Variants in ARHGAP22 observed in about 807,000 individuals in gnomAD.
ARHGAP22 encodes rho GTPase-activating protein 22.
ARHGAP22 carries 48 observed loss-of-function variants against 59.1 expected under a neutral mutation model. The observed-to-expected ratio is 0.81, with a 90% CI of 0.64 to 1.03. The LOEUF (loss-of-function observed/expected upper bound fraction) is 1.03, where lower values mean the gene tolerates loss of function less well. Ranked by LOEUF, ARHGAP22 falls within the 50% of genes least tolerant of loss-of-function variation. ARHGAP22 has a pLI of 0.00. For synonymous variants in ARHGAP22, 445 were observed against 416.4 expected (o/e 1.07, Z -0.84); for missense variants, 1,015 against 958.7 (o/e 1.06, Z -0.78).
At chr10:48,481,873 T>A (rs970713529) in intron 3 of ARHGAP22, among the ~76,000 whole-genome samples, 1 of 152,228 alleles carries the variant, frequency 6.6e-6, no homozygotes, top group Non-Finnish European at 1.5e-5. Flanking sequence ...ATATTGGACA[T>A]CTTTTATGTA....
At chr10:48,452,057 C>G (rs1222268355) in intron 8 of ARHGAP22, among the ~76,000 whole-genome samples, 1 of 152,118 alleles carries the variant, frequency 6.6e-6, no homozygotes, top group Non-Finnish European at 1.5e-5. Flanking sequence ...CCCCCAGAAT[C>G]CCACATACAT....
At chr10:48,606,828 C>T (rs1589141599), upstream of ARHGAP22, among the ~76,000 whole-genome samples, 1 of 152,206 alleles carries the variant, frequency 6.6e-6, no homozygotes, top group East Asian at 1.9e-4. Context: ...TTCCCCTGGG[C>T]CCTTATCTAT....
At chr10:48,562,600 G>T (rs188807627) in intron 2 of ARHGAP22, among the ~76,000 whole-genome samples, 2 of 152,138 alleles carry the variant, frequency 1.3e-5, no homozygotes. Flanking sequence ...AGAACTAAGC[G>T]GATCAGCCTG....
rs760082362 is a variant in ARHGAP22 at position 48,446,521 on chromosome 10, A to G, written c.1967T>C (p.Leu656Pro). 2 of 1,614,166 alleles carry G rather than the reference A, an allele frequency of 1.2e-6. No individual in the cohort carries two copies. The highest frequency in any genetic ancestry group is 1.7e-6 in the Non-Finnish European group (2 of 1,180,030). Residue 656 changes from leucine (L) to proline (P), a missense_variant, in exon 10 of 10, where the codon CTG becomes CCG. Coordinates refer to ENST00000249601, the MANE Select transcript of ARHGAP22 (RefSeq NM_021226.4). Reference protein sequence around the residue: ...KKKYIMLEIKLRNSERAREDA... With the variant: ...KKKYIMLEIKPRNSERAREDA... ...CTCCCGCGCCCGTTCAGAGTTCCGC[A>G]GCTTTATTTCCAGCATGATGTATTT...
intron 3 of ARHGAP22, among the ~76,000 whole-genome samples, chr10:48,549,957 A>T (rs1479594912): frequency 2.0e-5 from 3 of 152,176 alleles, no homozygotes; most frequent in African/African-American, 7.2e-5. Flanking sequence ...GCCACAGAGG[A>T]CAACTTTTCA....
intron 3 of ARHGAP22, among the ~76,000 whole-genome samples, chr10:48,531,125 C>T (rs1037652409): frequency 1.3e-5 from 2 of 152,304 alleles, no homozygotes; most frequent in Admixed American, 1.3e-4. Flanking sequence ...TTTGCAGCAA[C>T]TTAGATGGGA....
chr10:48,458,947 C>T (rs2046854560), intron 5 of ARHGAP22, among the ~76,000 whole-genome samples: 1 of 152,120 alleles, frequency 6.6e-6, no homozygotes, highest in Non-Finnish European at 1.5e-5. Context: ...GAGGAGAAGC[C>T]CTGGGAGGCC....
chr10:48,582,684 C>T (rs951894448), intron 2 of ARHGAP22: 5 of 512,592 alleles, frequency 9.8e-6, no homozygotes, highest in East Asian at 3.4e-5. Flanking sequence ...ACATGGAAGA[C>T]GTTGTTTTCT....
chr10:48,634,301 T>C (rs190555796), intron 1 of ARHGAP22, among the ~76,000 whole-genome samples: 1 of 152,180 alleles, frequency 6.6e-6, no homozygotes, highest in African/African-American at 2.4e-5. Context: ...GTCAGTAAAC[T>C]TCAGATCTTC....
chr10:48,555,067 C>T (rs1282131749), intron 3 of ARHGAP22, among the ~76,000 whole-genome samples: 1 of 152,208 alleles, frequency 6.6e-6, no homozygotes, highest in Non-Finnish European at 1.5e-5. Context: ...CTTCCTCCTG[C>T]CACATCCCAA....
intron 4 of ARHGAP22, among the ~76,000 whole-genome samples, chr10:48,478,670 A>T (rs1589635024): frequency 1.3e-5 from 2 of 152,202 alleles, no homozygotes; most frequent in African/African-American, 4.8e-5. Flanking sequence ...ATTATGAAAG[A>T]TCTTTTCATG....
At chr10:48,594,468 A>C (rs1216800391) in intron 1 of ARHGAP22, among the ~76,000 whole-genome samples, 8 of 152,238 alleles carry the variant, frequency 5.3e-5, no homozygotes, top group Admixed American at 5.2e-4. Context: ...CAGCTGCCAA[A>C]GCTCAGACAT....
intron 5 of ARHGAP22, among the ~76,000 whole-genome samples, chr10:48,459,302 TG>T (rs1375123166): frequency 3.3e-5 from 5 of 152,050 alleles, no homozygotes; most frequent in African/African-American, 1.2e-4. Flanking sequence ...TGATAGAGCC[TG>T]GGGGTAGGTC....
chr10:48,654,520 T>A (rs2062681159), upstream of ARHGAP22, among the ~76,000 whole-genome samples: 1 of 152,214 alleles, frequency 6.6e-6, no homozygotes, highest in Admixed American at 6.5e-5. Flanking sequence ...TGGCTTGGCT[T>A]CGTAAAAGCC....
intron 4 of ARHGAP22, among the ~76,000 whole-genome samples, chr10:48,472,122 G>A (rs932957663): frequency 3.0e-4 from 46 of 152,086 alleles, no homozygotes; most frequent in Non-Finnish European, 5.4e-4. Context: ...CAGGAGAATC[G>A]CTTGAACCCG....
At chr10:48,463,062 A>G (rs1023677871) in intron 4 of ARHGAP22, among the ~76,000 whole-genome samples, 1 of 152,270 alleles carries the variant, frequency 6.6e-6, no homozygotes, top group African/African-American at 2.4e-5. Flanking sequence ...TATAATCAAG[A>G]GATTTCATAT....
At chr10:48,543,107 T>G (rs1299362273) in intron 3 of ARHGAP22, among the ~76,000 whole-genome samples, 6 of 152,134 alleles carry the variant, frequency 3.9e-5, no homozygotes, top group African/African-American at 1.4e-4. Flanking sequence ...TGAGTATCCA[T>G]GTGCCCAAGG....
intron 1 of ARHGAP22, among the ~76,000 whole-genome samples, chr10:48,650,451 G>C (rs1322519660): frequency 6.6e-6 from 1 of 152,148 alleles, no homozygotes; most frequent in Non-Finnish European, 1.5e-5. Flanking sequence ...CCTCTTAATA[G>C]GTACAAGGTG....
At chr10:48,519,607 G>T (rs937677437) in intron 3 of ARHGAP22, among the ~76,000 whole-genome samples, 5 of 152,254 alleles carry the variant, frequency 3.3e-5, no homozygotes, top group African/African-American at 1.2e-4. Context: ...CCACATAGGT[G>T]ACAAAGTGAT....
Sources: allele counts gnomAD v4.1 joint callset (sites outside exome capture counted in the v4.1 genomes callset), GRCh38; gene constraint gnomAD v4.1.1; transcripts MANE v1.5; gene names NCBI Gene and HGNC (gene_info 2026-07-23, HGNC 2026-07-21).